IGF1R: variants seen among roughly 807,000 people sequenced by gnomAD.
IGF1R encodes the protein insulin like growth factor 1 receptor, also known as insulin-like growth factor 1 receptor.
A neutral mutation model predicts 144.6 loss-of-function variants in IGF1R; 44 were observed. The observed-to-expected ratio is 0.30, with a 90% CI of 0.24 to 0.39. IGF1R has a LOEUF of 0.39. IGF1R is among the 10% of genes least tolerant of loss of function. The pLI is 1.00. For missense variants in IGF1R, 1,355 were observed against 1,833.7 expected, an observed-to-expected ratio of 0.74 and a Z score of 4.77; for synonymous variants, 795 against 722.8, an observed-to-expected ratio of 1.10 and a Z score of -1.60.
chr15:98,707,646 A>G lies in IGF1R; in HGVS notation c.179A>G (p.His60Arg). 6.2e-7 allele frequency: 1 copy of G among 1,614,182 alleles called. No individual in the cohort carries two copies. ...ENCTVIEGYL[H>R]ILLISKAEDY... ...TGCACGGTGATCGAGGGCTACCTCCACATCCTGCTCATCTCCAAGGCCGAG... is the reference window on the plus strand; with the variant it reads ...TGCACGGTGATCGAGGGCTACCTCCGCATCCTGCTCATCTCCAAGGCCGAG... The change falls in exon 2 of 21, where the codon CAC (histidine) becomes CGC (arginine). Residue 60 changes from histidine (H) to arginine (R), a missense_variant. By Grantham distance (29) the His-to-Arg change is conservative. This residue lies in a region of IGF1R where 75 missense variants were observed against 160.0 expected (regional missense o/e 0.47). Coordinates refer to ENST00000650285, the MANE Select transcript of IGF1R (RefSeq NM_000875.5). This position sits in a 1 kb window ranked among gnomAD's most constrained non-coding sequence, Gnocchi z 6.7.
intron 5 of IGF1R, among the ~76,000 whole-genome samples, chr15:98,902,295 A>G (rs556329939): frequency 6.6e-6 from 1 of 151,878 alleles, no homozygotes; most frequent in Admixed American, 6.5e-5. Context: ...ATTTCTTCCC[A>G]TGTGCATATC....
chr15:98,870,368 G>T (rs1320941532), intron 2 of IGF1R, among the ~76,000 whole-genome samples: 1 of 152,206 alleles, frequency 6.6e-6, no homozygotes, highest in African/African-American at 2.4e-5. Flanking sequence ...AAATGATGGG[G>T]CTGCAGGAAT....
chr15:98,841,360 C>T (rs138061585), intron 2 of IGF1R, among the ~76,000 whole-genome samples: 1 of 152,324 alleles, frequency 6.6e-6, no homozygotes, highest in East Asian at 1.9e-4. Context: ...TCAATGTTCT[C>T]ATCTCTAAAG....
chr15:98,833,123 G>C (rs2057032053), intron 2 of IGF1R, among the ~76,000 whole-genome samples: 2 of 152,156 alleles, frequency 1.3e-5, no homozygotes, highest in Non-Finnish European at 1.5e-5. Context: ...ACCCTCTCCT[G>C]AACTTCAATA....
chr15:98,714,426 T>G (rs2054067371), intron 2 of IGF1R, among the ~76,000 whole-genome samples: 1 of 152,164 alleles, frequency 6.6e-6, no homozygotes, highest in South Asian at 2.1e-4. Context: ...GGAGGATCGC[T>G]TGAGTCCAGG....
At chr15:98,689,548 T>A (rs1364581445) in intron 1 of IGF1R, among the ~76,000 whole-genome samples, 2 of 150,128 alleles carry the variant, frequency 1.3e-5, no homozygotes, top group South Asian at 4.2e-4. Context: ...ATTTTTTTTT[T>A]AGATGCCATT....
In IGF1R at chr15:98,729,605, C is replaced by T. The variant is rs183652008; in HGVS notation, c.640+21498C>T. On this transcript the variant is annotated intron_variant, in intron 2 of 20. Coordinates refer to ENST00000650285, the MANE Select transcript of IGF1R (RefSeq NM_000875.5). ...GTGAACCTTTCCACATCTCATTGTC[C>T]TTCAGTGAGAGCAGGCTGTGTGTGT... 2.9e-3 allele frequency among the ~76,000 whole-genome samples: 431 copies of T among 150,362 alleles called. 1 individual carries two copies. The highest frequency in any genetic ancestry group is 0.01 in the African/African-American group (415 of 40,868).
chr15:98,725,657 G>C (rs966762835), intron 2 of IGF1R, among the ~76,000 whole-genome samples: 1 of 152,170 alleles, frequency 6.6e-6, no homozygotes, highest in Non-Finnish European at 1.5e-5. Flanking sequence ...CCCACTCCCC[G>C]TCTGGATTCC....
At chr15:98,713,660 C>CTGAGT (rs2054049163) in intron 2 of IGF1R, among the ~76,000 whole-genome samples, 1 of 152,310 alleles carries the variant, frequency 6.6e-6, no homozygotes, top group Admixed American at 6.5e-5. Context: ...GTGAATCCTC[C>CTGAGT]TGAGTACCTG....
chr15:98,701,580 C>T (rs1014756497), intron 1 of IGF1R, among the ~76,000 whole-genome samples: 4 of 152,056 alleles, frequency 2.6e-5, no homozygotes, highest in African/African-American at 9.7e-5. Flanking sequence ...GACCCGTGAT[C>T]CTACCGCCTC....
intron 2 of IGF1R, among the ~76,000 whole-genome samples, chr15:98,834,443 G>A (rs1394100849): frequency 1.3e-5 from 2 of 152,154 alleles, no homozygotes; most frequent in Non-Finnish European, 2.9e-5. Flanking sequence ...CTCACCAAAG[G>A]GTCAGATTCT....
intron 2 of IGF1R, among the ~76,000 whole-genome samples, chr15:98,849,233 C>G (rs986869075): frequency 1.1e-4 from 17 of 152,154 alleles, no homozygotes; most frequent in Admixed American, 3.9e-4. Context: ...AATGTAGATG[C>G]AAGTACCTGT....
intron 1 of IGF1R, among the ~76,000 whole-genome samples, chr15:98,669,428 C>G (rs1328376016): frequency 2.0e-5 from 3 of 152,128 alleles, no homozygotes; most frequent in African/African-American, 4.8e-5. Context: ...TTCTTGCCAC[C>G]CTGGGCTTTG....
At chr15:98,835,109 A>ACACC (rs1567152878) in intron 2 of IGF1R, among the ~76,000 whole-genome samples, 1 of 106,396 alleles carries the variant, frequency 9.4e-6, no homozygotes, top group Admixed American at 9.3e-5. Flanking sequence ...ACACACACAC[A>ACACC]CCCCTACACC....
At chr15:98,776,457 A>AT (rs1361584617) in intron 2 of IGF1R, among the ~76,000 whole-genome samples, 12 of 152,182 alleles carry the variant, frequency 7.9e-5, no homozygotes, top group Middle Eastern at 3.2e-3. Context: ...AAGTGCTGGG[A>AT]TTACAGGTGT....
chr15:98,801,464 C>T (rs1038629395), intron 2 of IGF1R, among the ~76,000 whole-genome samples: 25 of 152,346 alleles, frequency 1.6e-4, no homozygotes, highest in African/African-American at 6.0e-4. Context: ...AGCCTGGTTA[C>T]AGCTGCCTGT....
intron 3 of IGF1R, among the ~76,000 whole-genome samples, chr15:98,893,239 G>A (rs2014016856): frequency 6.6e-6 from 1 of 152,216 alleles, no homozygotes; most frequent in South Asian, 2.1e-4. Flanking sequence ...ATTATTTGGA[G>A]ACGCAGCTTC....
chr15:98,772,924 C>G (rs2055624495), intron 2 of IGF1R, among the ~76,000 whole-genome samples: 2 of 152,058 alleles, frequency 1.3e-5, no homozygotes, highest in Non-Finnish European at 2.9e-5. Flanking sequence ...TCTAAGGGTA[C>G]AGCCATTAAT....
At chr15:98,656,733 C>T (rs933649412) in intron 1 of IGF1R, among the ~76,000 whole-genome samples, 4 of 151,796 alleles carry the variant, frequency 2.6e-5, no homozygotes, top group African/African-American at 4.9e-5. Flanking sequence ...CCCTTAATAC[C>T]ATAGGTCTCT....
Sources: gnomAD v4.1 joint callset for allele counts (sites outside exome capture counted in the v4.1 genomes callset) on GRCh38, gnomAD v4.1.1 for gene constraint, gnomAD v4.1.1 regional missense constraint, Gnocchi (gnomAD v3.1) non-coding constraint, MANE v1.5 for transcripts, NCBI Gene and HGNC (gene_info 2026-07-23, HGNC 2026-07-21) for gene names.